VPS13C: variants seen among roughly 807,000 people sequenced by gnomAD.
VPS13C encodes intermembrane lipid transfer protein VPS13C.
Under a neutral mutation model 456.8 loss-of-function variants are expected in VPS13C, and 358 were observed. The observed-to-expected ratio is 0.78, with a 90% CI of 0.72 to 0.86. The LOEUF is 0.86. Among genes scored for constraint, VPS13C ranks in the 40% least tolerant of loss-of-function variants. The pLI is 0.00. For missense variants in VPS13C, 4,818 were observed against 4,385.4 expected (o/e 1.10, Z -2.79); for synonymous variants, 1,578 against 1,486.7 (o/e 1.06, Z -1.41).
intron 13 of VPS13C, among the ~76,000 whole-genome samples, chr15:62,010,186 T>C (rs189945495): frequency 4.0e-5 from 6 of 149,152 alleles, no homozygotes; most frequent in East Asian, 3.9e-4. Flanking sequence ...TGAGACTCCA[T>C]CTCAAAAAAA....
intron 25 of VPS13C, among the ~76,000 whole-genome samples, chr15:61,974,034 G>T (rs1266758661): frequency 6.6e-6 from 1 of 152,006 alleles, no homozygotes; most frequent in Non-Finnish European, 1.5e-5. Flanking sequence ...CAATTAAAGT[G>T]ATCTAGAACT....
Position 61,880,934 on chromosome 15 carries a change from T to C in VPS13C, c.9797A>G (p.Gln3266Arg). ...TTGATCAATTTTTAAGGCCATTTCCTGAATGAGGACCATAAAATACCTAAG... is the reference window on the plus strand; with the variant it reads ...TTGATCAATTTTTAAGGCCATTTCCCGAATGAGGACCATAAAATACCTAAG... ...LQFKYFMVLIQEMALKIDQGF... is the reference protein window; with the variant it reads ...LQFKYFMVLIREMALKIDQGF... The change falls in exon 72 of 85, where the codon CAG (glutamine) becomes CGG (arginine). Residue 3266 changes from glutamine (Q) to arginine (R), a missense_variant. This residue lies in a region of VPS13C where 4,552 missense variants were observed against 4,130.6 expected (regional missense o/e 1.10). Transcript: ENST00000644861. The C allele has an allele frequency of 1.2e-6, 2 of 1,607,794 alleles. No homozygotes were observed. The highest frequency in any genetic ancestry group is 1.7e-6 in the Non-Finnish European group (2 of 1,177,384).
chr15:61,875,158 C>CT (rs1895323015), intron 76 of VPS13C, among the ~76,000 whole-genome samples: 1 of 151,934 alleles, frequency 6.6e-6, no homozygotes, highest in Non-Finnish European at 1.5e-5. Context: ...TTAGCAAATT[C>CT]TTTAAGTCAA....
intron 58 of VPS13C, among the ~76,000 whole-genome samples, chr15:61,918,604 A>C (rs1209945024): frequency 6.6e-6 from 1 of 152,066 alleles, no homozygotes; most frequent in South Asian, 2.1e-4. Context: ...AACTAAACAG[A>C]AATGGATAGC....
At chr15:62,000,794 TA>T (rs1322744231) in intron 15 of VPS13C, among the ~76,000 whole-genome samples, 168 bp from the exon 16 acceptor site, 1 of 152,194 alleles carries the variant, frequency 6.6e-6, no homozygotes, top group East Asian at 1.9e-4. Flanking sequence ...TTTAATTTTT[TA>T]CAGTAAGAGA....
rs766449124 is a variant in VPS13C at position 62,007,374 on chromosome 15, A to G, written c.1224T>C (p.Tyr408=). The change falls in exon 15 of 85, where the codon TAT becomes TAC. Residue 408 remains tyrosine (Y), a synonymous_variant. Transcript: ENST00000644861. The part of the protein sequence containing the change: ...IKKHRQLLKS[Y]KIAYKNKLTQ... ...TTAACTTGTTTTTGTAGGCAATTTT[A>G]TAACTCTTGAGTAACTGCCTGTGCT... The G allele has an allele frequency of 3.1e-6, 5 of 1,613,034 alleles. No individual in the cohort carries two copies. Among genetic ancestry groups the G allele is most frequent in the East Asian group, 2.2e-5 (1 of 44,748 alleles).
rs1257715532 is a variant in VPS13C, at chr15:61,858,711, A to G, written c.10953-2302T>C. Among the ~76,000 whole-genome samples the G allele has an allele frequency of 6.6e-6, 1 of 152,218 alleles. No homozygotes were observed. The highest frequency in any genetic ancestry group is 1.5e-5 in the Non-Finnish European group (1 of 68,042). ...AATCTGCGTAAGAGACCAAGAAGTC[A>G]GAGATTCAAAGCACCCTTGTTGGGT... On this transcript the variant is annotated intron_variant, in intron 82 of 84. Coordinates refer to ENST00000644861, the MANE Select transcript of VPS13C (RefSeq NM_020821.3). This position sits in a 1 kb window ranked among gnomAD's most constrained non-coding sequence, Gnocchi z 4.4.
intron 47 of VPS13C, 68 bp from the exon 48 acceptor site, chr15:61,936,818 C>T: frequency 1.4e-6 from 2 of 1,431,686 alleles, no homozygotes; most frequent in African/African-American, 1.4e-5. Flanking sequence ...ATCTATATCT[C>T]GATTTGTGGT....
intron 29 of VPS13C, among the ~76,000 whole-genome samples, chr15:61,966,730 C>A (rs1304711791): frequency 6.6e-6 from 1 of 151,900 alleles, no homozygotes; most frequent in Non-Finnish European, 1.5e-5. Flanking sequence ...TTGTGCTTTT[C>A]TTTATTAGGG....
chr15:61,991,927 A>G (rs2046236879), intron 16 of VPS13C, 125 bp from the exon 17 acceptor site: 2 of 1,040,376 alleles, frequency 1.9e-6, no homozygotes, highest in Non-Finnish European at 2.7e-6. Context: ...TGCACCAGTC[A>G]AGATCTTAAA....
chr15:62,035,029 A>G lies in VPS13C; in HGVS notation c.211T>C (p.Trp71Arg). Residue 71 changes from tryptophan (W) to arginine (R), a missense_variant, in exon 4 of 85, where the codon TGG becomes CGG. This residue lies in a region of VPS13C where 4,552 missense variants were observed against 4,130.6 expected (regional missense o/e 1.10). Coordinates refer to ENST00000644861, the MANE Select transcript of VPS13C (RefSeq NM_020821.3). ...ACTGCTTCTCCATAAAGGTTCTTCCAAGGAATCTTCAAAGTTAATTTATCT... is the reference window on the plus strand; with the variant it reads ...ACTGCTTCTCCATAAAGGTTCTTCCGAGGAATCTTCAAAGTTAATTTATCT... Reference protein sequence around the residue: ...QIDKLTLKIPWKNLYGEAVVA... With the variant: ...QIDKLTLKIPRKNLYGEAVVA... 1.2e-6 allele frequency: 2 copies of G among 1,607,678 alleles called. No homozygotes were observed.
intron 49 of VPS13C, among the ~76,000 whole-genome samples, chr15:61,931,902 G>A (rs942625701): frequency 1.3e-5 from 2 of 152,036 alleles, no homozygotes; most frequent in African/African-American, 4.8e-5. Flanking sequence ...TATTTAATGA[G>A]CTCTTCCATT....
chr15:61,872,737 T>C (rs1895127883), intron 78 of VPS13C, among the ~76,000 whole-genome samples: 1 of 152,102 alleles, frequency 6.6e-6, no homozygotes, highest in Non-Finnish European at 1.5e-5. Flanking sequence ...GCCTTACTTA[T>C]AATGTTTTAT....
Position 61,910,721 on chromosome 15 carries a change from G to A in VPS13C, c.8716-416C>T, listed in dbSNP as rs1382165243. 3.9e-5 allele frequency among the ~76,000 whole-genome samples: 6 copies of A among 152,162 alleles called. No individual in the cohort carries two copies. The East Asian group carries it at 1.2e-3, about 29-fold the overall frequency. On this transcript the variant is annotated intron_variant, in intron 63 of 84. Transcript: ENST00000644861. ...TAGATAAACCAGAAAGACAACTGAA[G>A]GCAGAGGAGAGAACACCACAGACCT...
intron 65 of VPS13C, 54 bp downstream of exon 65, chr15:61,908,938 A>G: frequency 2.5e-6 from 4 of 1,578,610 alleles, no homozygotes; most frequent in Non-Finnish European, 3.4e-6. Context: ...AGTGTTTCCC[A>G]TTAGTTACTA....
chr15:61,985,019 T>G lies in VPS13C; in HGVS notation c.1579-20A>C, dbSNP rs915873098. ...AACATACTATACAGAAAGAATGAAA[T>G]TAAAATTGTTAAAGTTTAAATAATT... On this transcript the variant is annotated intron_variant, in intron 18 of 84. Coordinates refer to ENST00000644861, the MANE Select transcript of VPS13C (RefSeq NM_020821.3). The G allele has an allele frequency of 5.8e-6, 8 of 1,370,674 alleles. No homozygotes were observed. Among genetic ancestry groups the G allele is most frequent in the Non-Finnish European group, 7.6e-6 (8 of 1,046,956 alleles). 84.9% of individuals were successfully genotyped at this position (1,370,674 alleles called of 1,614,324 possible). A position where few individuals can be genotyped will look rare whatever the true frequency, so the allele number is the denominator to read the frequency against.
intron 53 of VPS13C, among the ~76,000 whole-genome samples, chr15:61,924,942 CAAT>C (rs1019249005): frequency 1.3e-5 from 2 of 152,112 alleles, no homozygotes; most frequent in Non-Finnish European, 2.9e-5. Flanking sequence ...CATTGGAAAA[CAAT>C]AATTGTTTTT....
At chr15:61,938,266 T>TGGG (rs35262268) in intron 47 of VPS13C, among the ~76,000 whole-genome samples, 4 of 150,872 alleles carry the variant, frequency 2.7e-5, no homozygotes, top group African/African-American at 9.9e-5. Flanking sequence ...CACTTTGCTG[T>TGGG]GGGGTGGGGG....
chr15:61,869,242 C>T (rs975362219), intron 80 of VPS13C, among the ~76,000 whole-genome samples: 1 of 151,708 alleles, frequency 6.6e-6, no homozygotes, highest in Admixed American at 6.6e-5. Flanking sequence ...CTCAGCCTCC[C>T]GAGTAGCTAG....
Sources: gnomAD v4.1 joint callset for allele counts (sites outside exome capture counted in the v4.1 genomes callset) on GRCh38, gnomAD v4.1.1 for gene constraint, gnomAD v4.1.1 regional missense constraint, Gnocchi (gnomAD v3.1) non-coding constraint, MANE v1.5 for transcripts, NCBI Gene and HGNC (gene_info 2026-07-23, HGNC 2026-07-21) for gene names.